The following CSNK1G3 variants were observed in gnomAD, a reference collection of about 807,000 sequenced individuals.
CSNK1G3 encodes casein kinase 1 gamma 3, also known as casein kinase I isoform gamma-3.
A neutral mutation model predicts 64.3 loss-of-function variants in CSNK1G3; 23 were observed. The ratio of observed to expected loss-of-function variants is 0.36; its 90% CI spans 0.26 to 0.51. The LOEUF is 0.51. Among genes scored for constraint, CSNK1G3 ranks in the 20% least tolerant of loss-of-function variants. CSNK1G3 has a pLI of 0.96. For missense variants in CSNK1G3, 357 were observed against 510.5 expected (o/e 0.70, Z 2.90); for synonymous variants, 158 against 162.2 (o/e 0.97, Z 0.20).
intron 4 of CSNK1G3, among the ~76,000 whole-genome samples, chr5:123,570,529 T>C (rs1318401549): frequency 3.3e-5 from 5 of 152,138 alleles, no homozygotes; most frequent in African/African-American, 1.2e-4. Context: ...AACTGTTTTG[T>C]ATTTTTATTA....
intron 1 of CSNK1G3, among the ~76,000 whole-genome samples, chr5:123,541,226 C>T (rs1781625353): frequency 6.6e-6 from 1 of 151,994 alleles, no homozygotes; most frequent in Non-Finnish European, 1.5e-5. Context: ...TTTGCTCATT[C>T]ATATTTATGG....
At chr5:123,577,963 A>G (rs1277303110) in intron 6 of CSNK1G3, among the ~76,000 whole-genome samples, 1 of 151,980 alleles carries the variant, frequency 6.6e-6, no homozygotes, top group Non-Finnish European at 1.5e-5. Context: ...CTTAATATAA[A>G]TAGAACCATC....
intron 1 of CSNK1G3, among the ~76,000 whole-genome samples, chr5:123,513,051 C>G (rs1488365304): frequency 1.3e-4 from 19 of 151,970 alleles, no homozygotes; most frequent in Admixed American, 1.2e-3. Context: ...GCGACGGGGG[C>G]CAGCGTTCAG....
At chr5:123,604,083 G>C (rs960128409) in intron 10 of CSNK1G3, among the ~76,000 whole-genome samples, 1 of 152,020 alleles carries the variant, frequency 6.6e-6, no homozygotes, top group African/African-American at 2.4e-5. Context: ...ATAGTGGCTT[G>C]GACTGGAGTC....
At chr5:123,534,600 G>A (rs74841787) in intron 1 of CSNK1G3, among the ~76,000 whole-genome samples, 31,216 of 152,048 alleles carry the variant, frequency 0.21, 3,443 homozygotes, top group Middle Eastern at 0.26. Flanking sequence ...TAGAAACTGA[G>A]GGTGGCTTCC....
At chr5:123,575,286 C>CT (rs1428299906) in intron 5 of CSNK1G3, among the ~76,000 whole-genome samples, 1 of 152,112 alleles carries the variant, frequency 6.6e-6, no homozygotes, top group Non-Finnish European at 1.5e-5. Flanking sequence ...GTTGTTTTTA[C>CT]TTAATAGTTT....
rs186590018 is a variant in CSNK1G3 at position 123,550,412 on chromosome 5, C to T, written c.179-2695C>T. On this transcript the variant is annotated intron_variant, in intron 2 of 12. Coordinates refer to ENST00000345990, the Ensembl canonical transcript of CSNK1G3. ...TGAGGAGGAACATACTTAATGTCTA[C>T]TGACATTCAGAACTTAAGTCACATG... is the stretch of plus-strand genomic sequence containing the variant. 1.2e-4 allele frequency among the ~76,000 whole-genome samples: 18 copies of T among 152,272 alleles called. 1 individual carries two copies. Among genetic ancestry groups the T allele is most frequent in the Non-Finnish European group, 2.1e-4 (14 of 68,026 alleles).
At position 123,576,927 on chromosome 5, in the gene CSNK1G3, G is replaced by C. The variant is rs1789274551; in HGVS notation, c.673+964G>C. ...AATATTTACATTTCCTTATTTGTCA[G>C]TTGATATTCTAATGTCAGCAGAAGC... is the stretch of plus-strand genomic sequence containing the variant. On this transcript the variant is annotated intron_variant, in intron 6 of 12. Transcript: ENST00000345990. Among the ~76,000 whole-genome samples the C allele has an allele frequency of 1.3e-5, 2 of 152,158 alleles. 1 individual carries two copies. The highest frequency in any genetic ancestry group is 2.9e-5 in the Non-Finnish European group (2 of 67,940).
At chr5:123,590,481 A>G in exon 9 of CSNK1G3, 1 of 1,540,174 alleles carries the variant, frequency 6.5e-7, no homozygotes, top group East Asian at 2.5e-5. Context: ...TGACTACTTA[A>G]GAAAGCTTTT....
intron 1 of CSNK1G3, among the ~76,000 whole-genome samples, chr5:123,534,050 TAGAA>T (rs1422235273): frequency 6.6e-6 from 1 of 151,978 alleles, no homozygotes; most frequent in Non-Finnish European, 1.5e-5. Context: ...TGTTTAGAGA[TAGAA>T]AGAACTCATT....
intron 5 of CSNK1G3, among the ~76,000 whole-genome samples, chr5:123,574,796 C>T (rs1788845692): frequency 1.3e-5 from 2 of 152,286 alleles, no homozygotes; most frequent in South Asian, 2.1e-4. Context: ...TGCGTTCCAT[C>T]CTGGGTGGCA....
chr5:123,524,026 T>C (rs1166988959), intron 1 of CSNK1G3, among the ~76,000 whole-genome samples: 1 of 152,232 alleles, frequency 6.6e-6, no homozygotes, highest in Non-Finnish European at 1.5e-5. Flanking sequence ...GCCAGAATGC[T>C]GGAAAACAAA....
intron 4 of CSNK1G3, among the ~76,000 whole-genome samples, chr5:123,561,766 T>C (rs1394307820): frequency 6.6e-6 from 1 of 152,178 alleles, no homozygotes; most frequent in East Asian, 1.9e-4. Context: ...CCCCTTATTT[T>C]CTCGACAGTT....
At chr5:123,515,011 C>CT (rs1776897102) in intron 1 of CSNK1G3, among the ~76,000 whole-genome samples, 1 of 152,050 alleles carries the variant, frequency 6.6e-6, no homozygotes. Flanking sequence ...ATCATTGGCA[C>CT]TACTGAAGGA....
chr5:123,614,478 C>A, exon 13 of CSNK1G3: 1 of 1,200,174 alleles, frequency 8.3e-7, no homozygotes, highest in Non-Finnish European at 1.1e-6. Flanking sequence ...GTAGTGACCA[C>A]GTATATTTTC....
At chr5:123,543,374 GTC>G (rs1449344627) in intron 1 of CSNK1G3, among the ~76,000 whole-genome samples, 3 of 152,118 alleles carry the variant, frequency 2.0e-5, no homozygotes. Flanking sequence ...GAACTTTAGA[GTC>G]TCTCAGTTCT....
Position 123,607,884 on chromosome 5 carries a change from T to C in CSNK1G3, c.1217+2522T>C, listed in dbSNP as rs184404978. ...ATTTAAACAAGATTTTTTCTTTAGG[T>C]TTATTCTGACATTTCTACACGTTTG... On this transcript the variant is annotated intron_variant, in intron 12 of 12. Coordinates refer to ENST00000345990, the Ensembl canonical transcript of CSNK1G3. Among the ~76,000 whole-genome samples the C allele has an allele frequency of 1.8e-4, 28 of 152,266 alleles. 1 individual carries two copies. The East Asian group carries it at 2.3e-3, about 13-fold the overall frequency.
chr5:123,523,724 T>TA (rs1778537319), intron 1 of CSNK1G3, among the ~76,000 whole-genome samples: 1 of 152,214 alleles, frequency 6.6e-6, no homozygotes, highest in African/African-American at 2.4e-5. Flanking sequence ...CTATAGGACC[T>TA]AATTCCTTTT....
chr5:123,547,181 T>A (rs1782682150), intron 2 of CSNK1G3, among the ~76,000 whole-genome samples: 1 of 152,160 alleles, frequency 6.6e-6, no homozygotes, highest in Non-Finnish European at 1.5e-5. Flanking sequence ...TAGTGCCTTA[T>A]GGAACAGATA....
Sources: gnomAD v4.1 joint callset for allele counts (sites outside exome capture counted in the v4.1 genomes callset) on GRCh38, gnomAD v4.1.1 for gene constraint, MANE v1.5 for transcripts, NCBI Gene and HGNC (gene_info 2026-07-23, HGNC 2026-07-21) for gene names.